Variants in CELSR2 observed in about 807,000 individuals in gnomAD.
The protein encoded by CELSR2 is cadherin EGF LAG seven-pass G-type receptor 2.
A neutral mutation model predicts 251.6 loss-of-function variants in CELSR2; 81 were observed. That is an observed-to-expected ratio of 0.32 (90% CI 0.27 to 0.39). The LOEUF is 0.39. Ranked by LOEUF, CELSR2 falls within the 10% of genes least tolerant of loss-of-function variation. The probability of loss-of-function intolerance (pLI) is 1.00; values close to 1 mark genes in which losing one functional copy is unlikely to be tolerated. For synonymous variants in CELSR2, 1,721 were observed against 1,670.5 expected, an observed-to-expected ratio of 1.03 and a Z score of -0.74; for missense variants, 3,365 against 3,947.7, an observed-to-expected ratio of 0.85 and a Z score of 3.96.
At position 109,274,510 on chromosome 1, in the gene CELSR2, C is replaced by G. The variant is rs1056453419; in HGVS notation, c.*461C>G. The G allele has an allele frequency of 1.0e-5, 2 of 193,386 alleles. No homozygotes were observed. The highest frequency in any genetic ancestry group is 2.1e-5 in the Non-Finnish European group (2 of 94,232). The allele number at this position is 193,386 out of a possible 1,614,324, so 12.0% of individuals were successfully genotyped here. ...AGGGACTCCTGGGGGGCCTGCCCCT[C>G]ATACGCCATCACCAAAAGGAAAGGA... On this transcript the variant is annotated 3_prime_UTR_variant, in exon 34 of 34. Coordinates refer to ENST00000271332, the MANE Select transcript of CELSR2 (RefSeq NM_001408.3).
rs914314373 is a variant in CELSR2 at position 109,261,545 on chromosome 1, T to G, written c.4214T>G (p.Leu1405Trp). ...ACAAAGGAGCGCGACGGGTTGCTGT[T>G]GTACAATGGGCGTTTCAATGAGAAG... is the stretch of plus-strand genomic sequence containing the variant. ...FATKERDGLL[L>W]YNGRFNEKHD... is the part of the protein sequence containing the mutation. The change falls in exon 4 of 34, where the codon TTG becomes TGG. Residue 1405 changes from leucine (L) to tryptophan (W), a missense_variant. Around this residue, in one of 5 missense-constraint regions of CELSR2, gnomAD observed 2,093 missense variants for 2,382.8 expected, o/e 0.88. Coordinates refer to ENST00000271332, the MANE Select transcript of CELSR2 (RefSeq NM_001408.3). This position sits in a 1 kb window ranked among gnomAD's most constrained non-coding sequence, Gnocchi z 4.8. The G allele has an allele frequency of 5.0e-6, 8 of 1,614,082 alleles. No individual in the cohort carries two copies. Among genetic ancestry groups the G allele is most frequent in the Non-Finnish European group, 5.9e-6 (7 of 1,180,034 alleles).
At chr1:109,268,560 C>T (rs1475106961) in intron 17 of CELSR2, 21 bp from the exon 18 acceptor site, 1 of 1,591,730 alleles carries the variant, frequency 6.3e-7, no homozygotes, top group African/African-American at 1.3e-5. Flanking sequence ...AGCACACCCA[C>T]CGTGACCTTG....
At position 109,252,767 on chromosome 1, in the gene CELSR2, G is replaced by A. The variant is rs1289634085; in HGVS notation, c.2688G>A (p.Lys896=). 1 of 1,614,032 alleles carries A rather than the reference G, an allele frequency of 6.2e-7. No individual in the cohort carries two copies. The highest frequency in any genetic ancestry group is 1.1e-5 in the South Asian group (1 of 91,086). The stretch of plus-strand genomic sequence containing the variant: ...TCTTGCGGGCATATGCAGTGGACAA[G>A]GGGATGCCCCCAGCCCGCACACCTA... The part of the protein sequence containing the change: ...QYVLRAYAVD[K]GMPPARTPME... The change falls in exon 1 of 34, where the codon AAG becomes AAA. Residue 896 remains lysine (K), a synonymous_variant. Transcript: ENST00000271332. The surrounding 1 kb of genome is among the most constrained non-coding windows in gnomAD (Gnocchi z 4.8).
Position 109,262,938 on chromosome 1 carries a change from T to A in CELSR2, c.4677T>A (p.Ala1559=). The A allele has an allele frequency of 1.2e-6, 2 of 1,613,710 alleles. No homozygotes were observed. The highest frequency in any genetic ancestry group is 1.7e-6 in the Non-Finnish European group (2 of 1,179,916). ...LQVDSRHIDM[A]DFIANNGTVP... The stretch of plus-strand genomic sequence containing the variant: ...TGGACAGCCGGCACATAGACATGGC[T>A]GACTTCATTGCCAACAATGGCACCG... The change falls in exon 7 of 34, where the codon GCT becomes GCA. Residue 1559 remains alanine (A), a synonymous_variant. Coordinates refer to ENST00000271332, the MANE Select transcript of CELSR2 (RefSeq NM_001408.3).
At position 109,261,983 on chromosome 1, in the gene CELSR2, G is replaced by A. The variant is rs1004317958; in HGVS notation, c.4386+87G>A. On this transcript the variant is annotated intron_variant, in intron 5 of 33. Coordinates refer to ENST00000271332, the MANE Select transcript of CELSR2 (RefSeq NM_001408.3). This position sits in a 1 kb window ranked among gnomAD's most constrained non-coding sequence, Gnocchi z 4.8. ...CTGAGTGGCATTGCCTCCAGGCTTG[G>A]GTGGGCTGGTCAGGGCATTTCTGGC... 5.0e-6 allele frequency: 7 copies of A among 1,398,304 alleles called. No individual in the cohort carries two copies. The highest frequency in any genetic ancestry group is 1.4e-5 in the African/African-American group (1 of 70,026). The allele number at this position is 1,398,304 out of a possible 1,614,324, so 86.6% of individuals were successfully genotyped here. A position where few individuals can be genotyped will look rare whatever the true frequency, so the allele number is the denominator to read the frequency against.
At chr1:109,272,060 C>T (rs566985156) in intron 28 of CELSR2, among the ~76,000 whole-genome samples, 47 of 152,296 alleles carry the variant, frequency 3.1e-4, no homozygotes, top group Non-Finnish European at 6.2e-4. Context: ...TATAGTGAGT[C>T]CAGGATCCCT....
rs756691788 is a variant in CELSR2, at chr1:109,252,056, C to T, written c.1977C>T (p.Thr659=). 8.1e-6 allele frequency: 13 copies of T among 1,614,120 alleles called. No individual in the cohort carries two copies. The South Asian group carries it at 1.1e-4, about 14-fold the overall frequency. The change falls in exon 1 of 34, where the codon ACC becomes ACT. Residue 659 remains threonine (T), a synonymous_variant. Coordinates refer to ENST00000271332, the MANE Select transcript of CELSR2 (RefSeq NM_001408.3). The surrounding 1 kb of genome is among the most constrained non-coding windows in gnomAD (Gnocchi z 4.8). Reference sequence around the variant, plus strand: ...ATACTCGAAACCGCTTCTCCATCACCAGCCAAAGTGGTGGTGGGCTGGTAT... The same window carrying T: ...ATACTCGAAACCGCTTCTCCATCACTAGCCAAAGTGGTGGTGGGCTGGTAT... The part of the protein sequence containing the change: ...SGNTRNRFSI[T]SQSGGGLVSL...
chr1:109,257,159 G>A (rs641049), intron 1 of CELSR2, among the ~76,000 whole-genome samples: 15,120 of 151,930 alleles, frequency 0.1, 870 homozygotes, highest in African/African-American at 0.12. Flanking sequence ...TTTGAGACCA[G>A]CCTGGACAAC....
At position 109,269,710 on chromosome 1, in the gene CELSR2, G is replaced by A. The variant is rs1411729939; in HGVS notation, c.6997G>A (p.Gly2333Ser). ...NHSILVSGTG[G>S]WSARGCEVVF... is the part of the protein sequence containing the mutation. ...CTCACACAGGGTCAGTGGCACAGGT[G>A]GCTGGTCGGCCAGAGGCTGTGAAGT... The change falls in exon 22 of 34, where the codon GGC (glycine) becomes AGC (serine). Residue 2333 changes from glycine (G) to serine (S), a missense_variant. Gly to Ser is a moderately conservative substitution (Grantham distance 56). Around this residue, in one of 5 missense-constraint regions of CELSR2, gnomAD observed 2,093 missense variants for 2,382.8 expected, o/e 0.88. Coordinates refer to ENST00000271332, the MANE Select transcript of CELSR2 (RefSeq NM_001408.3). The surrounding 1 kb of genome is among the most constrained non-coding windows in gnomAD (Gnocchi z 6.4). The A allele has an allele frequency of 6.2e-7, 1 of 1,614,102 alleles. No individual in the cohort carries two copies. The highest frequency in any genetic ancestry group is 8.5e-7 in the Non-Finnish European group (1 of 1,180,036).
In CELSR2 at chr1:109,264,343, G is replaced by A. The variant is rs142723500; in HGVS notation, c.5267G>A (p.Arg1756His). 1.4e-5 allele frequency: 23 copies of A among 1,609,274 alleles called. No individual in the cohort carries two copies. The highest frequency in any genetic ancestry group is 2.2e-5 in the East Asian group (1 of 44,646). Residue 1756 changes from arginine (R) to histidine (H), a missense_variant, in exon 10 of 34, where the codon CGT becomes CAT. Arg to His is a conservative substitution (Grantham distance 29, BLOSUM62 0). Coordinates refer to ENST00000271332, the MANE Select transcript of CELSR2 (RefSeq NM_001408.3). ...GIPGPAGGVARGFRGCLQGVR... is the reference protein window; with the variant it reads ...GIPGPAGGVAHGFRGCLQGVR... Reference sequence around the variant, plus strand: ...CCTGGGCCAGCCGGCGGTGTGGCCCGTGGCTTTCGGGGCTGTTTGCAGGTG... The same window carrying A: ...CCTGGGCCAGCCGGCGGTGTGGCCCATGGCTTTCGGGGCTGTTTGCAGGTG...
Position 109,252,096 on chromosome 1 carries a change from C to A in CELSR2, c.2017C>A (p.Leu673Met). The A allele has an allele frequency of 6.2e-7, 1 of 1,614,172 alleles. No homozygotes were observed. The highest frequency in any genetic ancestry group is 8.5e-7 in the Non-Finnish European group (1 of 1,180,030). ...TGGGCTGGTATCCCTTGCCCTGCCA[C>A]TGGACTACAAACTTGAGCGGCAGTA... ...GGGLVSLALP[L>M]DYKLERQYVL... The change falls in exon 1 of 34, where the codon CTG (leucine) becomes ATG (methionine). Residue 673 changes from leucine to methionine, a missense_variant. Physicochemically the swap from Leu to Met is conservative, Grantham distance 15. Transcript: ENST00000271332. This position sits in a 1 kb window ranked among gnomAD's most constrained non-coding sequence, Gnocchi z 4.8.
rs367546619 is a variant in CELSR2, at chr1:109,271,729, G to A, written c.7926+7G>A. ...CAAGTCCACCCTGACCTCGGTGAGGGAGCCAGGGGTCTCAGGAGGGCGGTG... is the reference window on the plus strand; with the variant it reads ...CAAGTCCACCCTGACCTCGGTGAGGAAGCCAGGGGTCTCAGGAGGGCGGTG... On this transcript the variant is annotated splice_region_variant and intron_variant, in intron 28 of 33. Transcript: ENST00000271332. 5.6e-6 allele frequency: 9 copies of A among 1,613,402 alleles called. No homozygotes were observed. The highest frequency in any genetic ancestry group is 1.6e-4 in the Middle Eastern group (1 of 6,084).
At chr1:109,254,139 G>GC (rs1455997745) in intron 1 of CELSR2, among the ~76,000 whole-genome samples, 1 of 152,204 alleles carries the variant, frequency 6.6e-6, no homozygotes, top group Non-Finnish European at 1.5e-5. Context: ...GGCCTCGTGG[G>GC]CCCCCCTTGC....
chr1:109,257,959 T>TC (rs1007183318), intron 1 of CELSR2, among the ~76,000 whole-genome samples: 6 of 150,876 alleles, frequency 4.0e-5, no homozygotes, highest in Non-Finnish European at 7.4e-5. Context: ...GTTTACCCAC[T>TC]CCCCCCCACC....
Position 109,251,959 on chromosome 1 carries a change from C to T in CELSR2, c.1880C>T (p.Thr627Ile). The change falls in exon 1 of 34, where the codon ACC becomes ATC. Residue 627 changes from threonine (T) to isoleucine (I), a missense_variant. Physicochemically the swap from Thr to Ile is moderately conservative, Grantham distance 89. Coordinates refer to ENST00000271332, the MANE Select transcript of CELSR2 (RefSeq NM_001408.3). The surrounding 1 kb of genome is among the most constrained non-coding windows in gnomAD (Gnocchi z 4.9). ...VRLNEDAAVG[T>I]SVVTVSAVDR... ...CTCAATGAGGATGCAGCTGTGGGCA[C>T]CAGCGTGGTGACGGTGTCAGCTGTG... 6.2e-7 allele frequency: 1 copy of T among 1,614,110 alleles called. No individual in the cohort carries two copies. Among genetic ancestry groups the T allele is most frequent in the Non-Finnish European group, 8.5e-7 (1 of 1,180,026 alleles).
chr1:109,270,594 A>G lies in CELSR2; in HGVS notation c.7477A>G (p.Ile2493Val). 6.2e-7 allele frequency: 1 copy of G among 1,613,776 alleles called. No individual in the cohort carries two copies. Among genetic ancestry groups the G allele is most frequent in the Non-Finnish European group, 8.5e-7 (1 of 1,179,986 alleles). ...GCTGGGCTGGGGCGTGCCTGCCTTC[A>G]TCACAGGTACTCCCACCCATTCCCA... The part of the protein sequence containing the change: ...YMLGWGVPAF[I>V]TGLAVGLDPE... Residue 2493 changes from isoleucine to valine, a missense_variant, in exon 24 of 34, where the codon ATC becomes GTC. This residue lies in a region of CELSR2 where 2,093 missense variants were observed against 2,382.8 expected (regional missense o/e 0.88). Transcript: ENST00000271332.
rs149890469 is a variant in CELSR2 at position 109,252,449 on chromosome 1, T to C, written c.2370T>C (p.Asn790=). The part of the protein sequence containing the change: ...SYTLAITARD[N]GIPQKSDTTY... Reference sequence around the variant, plus strand: ...CCCTGGCCATTACTGCTCGGGACAATGGCATTCCCCAGAAGTCCGACACCA... The same window carrying C: ...CCCTGGCCATTACTGCTCGGGACAACGGCATTCCCCAGAAGTCCGACACCA... The change falls in exon 1 of 34, where the codon AAT becomes AAC. Residue 790 remains asparagine (N), a synonymous_variant. Coordinates refer to ENST00000271332, the MANE Select transcript of CELSR2 (RefSeq NM_001408.3). This position sits in a 1 kb window ranked among gnomAD's most constrained non-coding sequence, Gnocchi z 4.8. 183 of 1,613,686 alleles carry C rather than the reference T, an allele frequency of 1.1e-4. No individual in the cohort carries two copies. The African/African-American group carries it at 1.8e-3, about 16-fold the overall frequency.
At position 109,269,023 on chromosome 1, in the gene CELSR2, T is replaced by C; in HGVS notation, c.6631+15T>C. On this transcript the variant is annotated intron_variant, in intron 19 of 33. Transcript: ENST00000271332. The surrounding 1 kb of genome is among the most constrained non-coding windows in gnomAD (Gnocchi z 6.4). The stretch of plus-strand genomic sequence containing the variant: ...TGTCTTCAGAGGTCAGTGGTGGCCA[T>C]GGATTGAGTTGGGAGCTGGACCCCA... The C allele has an allele frequency of 6.2e-7, 1 of 1,605,940 alleles. No homozygotes were observed. Among genetic ancestry groups the C allele is most frequent in the Non-Finnish European group, 8.5e-7 (1 of 1,173,972 alleles).
intron 2 of CELSR2, among the ~76,000 whole-genome samples, chr1:109,260,029 A>C (rs1655974062): frequency 6.7e-6 from 1 of 148,182 alleles, no homozygotes; most frequent in Admixed American, 6.7e-5. Context: ...CAGCAGCCAT[A>C]GGCAGGCCCC....
Sources: gnomAD v4.1 joint callset for allele counts (sites outside exome capture counted in the v4.1 genomes callset) on GRCh38, gnomAD v4.1.1 for gene constraint, gnomAD v4.1.1 regional missense constraint, Gnocchi (gnomAD v3.1) non-coding constraint, MANE v1.5 for transcripts, NCBI Gene and HGNC (gene_info 2026-07-23, HGNC 2026-07-21) for gene names.